Variants in CDH13 observed in about 807,000 individuals in gnomAD.
The protein encoded by CDH13 is cadherin 13, also known as cadherin-13.
A neutral mutation model predicts 63.8 loss-of-function variants in CDH13; 24 were observed. The ratio of observed to expected loss-of-function variants is 0.38; its 90% CI spans 0.27 to 0.53. The LOEUF (loss-of-function observed/expected upper bound fraction) is 0.53. Among genes scored for constraint, CDH13 ranks in the 20% least tolerant of loss-of-function variants. The pLI, the probability that CDH13 is intolerant of heterozygous loss-of-function variation, is 0.85. For missense variants in CDH13, 1,049 were observed against 903.1 expected (o/e 1.16, Z -2.07); for synonymous variants, 503 against 355.3 (o/e 1.42, Z -4.67).
intron 6 of CDH13, among the ~76,000 whole-genome samples, chr16:83,350,596 C>T (rs998986828): frequency 2.6e-5 from 4 of 152,130 alleles, no homozygotes; most frequent in African/African-American, 9.7e-5. Context: ...AGCATCTACT[C>T]TGTGCTGGCG....
At chr16:82,789,182 C>T (rs918348272) in intron 1 of CDH13, among the ~76,000 whole-genome samples, 2 of 152,192 alleles carry the variant, frequency 1.3e-5, no homozygotes, top group Admixed American at 6.5e-5. Flanking sequence ...GGTTGAAGGG[C>T]CATTCTTGGT....
intron 2 of CDH13, among the ~76,000 whole-genome samples, chr16:82,919,759 G>A (rs28661446): frequency 0.37 from 55,579 of 151,998 alleles, 11,094 homozygotes; most frequent in Non-Finnish European, 0.46. Context: ...TTCTGAACAG[G>A]TCCATCTGTT....
intron 2 of CDH13, among the ~76,000 whole-genome samples, chr16:83,022,820 A>G (rs1567753372): frequency 6.6e-6 from 1 of 152,342 alleles, no homozygotes; most frequent in South Asian, 2.1e-4. Flanking sequence ...ATTTACCCAT[A>G]TAAGATGTGA....
intron 1 of CDH13, among the ~76,000 whole-genome samples, chr16:82,702,856 C>T (rs890414835): frequency 1.3e-5 from 2 of 152,132 alleles, no homozygotes. Context: ...TGAGCTTCAC[C>T]TTTGTCTCTA....
At chr16:83,730,239 C>G (rs1280943049) in intron 10 of CDH13, among the ~76,000 whole-genome samples, 1 of 152,154 alleles carries the variant, frequency 6.6e-6, no homozygotes, top group Non-Finnish European at 1.5e-5. Flanking sequence ...ATGCATTATT[C>G]TAAGGCCCTC....
intron 5 of CDH13, among the ~76,000 whole-genome samples, chr16:83,266,586 C>G (rs116722931): frequency 1.7e-3 from 266 of 152,330 alleles, no homozygotes; most frequent in African/African-American, 6.1e-3. Flanking sequence ...ATCATCTCCC[C>G]TCTTCACACT....
At chr16:83,372,819 G>A (rs528379746) in intron 6 of CDH13, among the ~76,000 whole-genome samples, 1 of 151,306 alleles carries the variant, frequency 6.6e-6, no homozygotes, top group Admixed American at 6.6e-5. Flanking sequence ...TCTGCTTTCT[G>A]TGGGGAAACT....
intron 3 of CDH13, among the ~76,000 whole-genome samples, chr16:83,037,789 T>G (rs1364226311): frequency 6.6e-6 from 1 of 152,232 alleles, no homozygotes; most frequent in African/African-American, 2.4e-5. Flanking sequence ...TGCCACTTAC[T>G]CATTGTGTGA....
At chr16:83,001,975 A>G (rs957800400) in intron 2 of CDH13, among the ~76,000 whole-genome samples, 3 of 152,214 alleles carry the variant, frequency 2.0e-5, no homozygotes, top group African/African-American at 7.2e-5. Context: ...AAAAGTTCCA[A>G]CCACATTCCA....
chr16:83,699,739 C>T (rs1407214407), intron 10 of CDH13, among the ~76,000 whole-genome samples: 1 of 152,198 alleles, frequency 6.6e-6, no homozygotes, highest in Non-Finnish European at 1.5e-5. Context: ...AGGGCAGTTA[C>T]ATCACATCAC....
intron 8 of CDH13, among the ~76,000 whole-genome samples, chr16:83,625,228 ATGTG>A (rs148899149): frequency 6.8e-6 from 1 of 146,146 alleles, no homozygotes; most frequent in Admixed American, 6.8e-5. Flanking sequence ...ACGTGTGTCT[ATGTG>A]TGTGTGTGTG....
chr16:82,766,885 A>T (rs1045097962), intron 1 of CDH13, among the ~76,000 whole-genome samples: 1 of 152,128 alleles, frequency 6.6e-6, no homozygotes, highest in African/African-American at 2.4e-5. Flanking sequence ...ATAATGTTTC[A>T]TTATAAAATT....
intron 5 of CDH13, among the ~76,000 whole-genome samples, chr16:83,291,585 G>A (rs1025827403): frequency 2.0e-5 from 3 of 151,968 alleles, no homozygotes; most frequent in Non-Finnish European, 4.4e-5. Flanking sequence ...ATCCAAGATA[G>A]AATTTTAGTA....
intron 1 of CDH13, among the ~76,000 whole-genome samples, chr16:82,697,768 TGTGTGTGTGTGTGTGTGTG>T (rs943256003): frequency 6.8e-5 from 10 of 146,680 alleles, no homozygotes; most frequent in African/African-American, 1.1e-4. Context: ...TGTGTGTGTG[TGTGTGTGTGTGTGTGTGTG>T]TAAGTTTTTT....
In CDH13 at chr16:83,780,217, G is replaced by A. The variant is rs1470445519; in HGVS notation, c.1915+16G>A. The stretch of plus-strand genomic sequence containing the variant: ...AAGATCAACAGTAAGTCTGGCTAAA[G>A]CATTTCTGCCTATTCTTCCAGCTTT... On this transcript the variant is annotated intron_variant, in intron 12 of 13. Transcript: ENST00000567109. 2.7e-6 allele frequency: 4 copies of A among 1,496,118 alleles called. No homozygotes were observed. The highest frequency in any genetic ancestry group is 1.4e-5 in the African/African-American group (1 of 72,484). 92.7% of individuals were successfully genotyped at this position (1,496,118 alleles called of 1,614,324 possible).
At chr16:82,831,993 C>G (rs537310080) in intron 1 of CDH13, among the ~76,000 whole-genome samples, 3 of 152,160 alleles carry the variant, frequency 2.0e-5, no homozygotes, top group African/African-American at 7.2e-5. Context: ...AAGAGCAACG[C>G]TTGGAAGCCA....
intron 1 of CDH13, among the ~76,000 whole-genome samples, chr16:82,656,821 G>A (rs1911349485): frequency 1.3e-5 from 2 of 151,774 alleles, no homozygotes; most frequent in Admixed American, 6.6e-5. Flanking sequence ...ATGTCATATG[G>A]TTGGAATAAT....
At position 82,910,117 on chromosome 16, in the gene CDH13, G is replaced by A. The variant is rs541347312; in HGVS notation, c.157+51644G>A. On this transcript the variant is annotated intron_variant, in intron 2 of 13. Transcript: ENST00000567109. The stretch of plus-strand genomic sequence containing the variant: ...CTCTTTACGCATCCCATCAAATGCC[G>A]ATGTCTGAGTCATCTGTGTCCCTGG... Among the ~76,000 whole-genome samples the A allele has an allele frequency of 7.9e-5, 12 of 152,272 alleles. No individual in the cohort carries two copies. In the East Asian group the frequency reaches 2.1e-3, roughly 27 times the overall value.
intron 1 of CDH13, among the ~76,000 whole-genome samples, chr16:82,743,155 T>A (rs566551301): frequency 1.2e-4 from 19 of 152,304 alleles, no homozygotes; most frequent in Non-Finnish European, 2.2e-4. Flanking sequence ...AGAACAATAC[T>A]TTTGTCTTTA....
Sources: allele counts gnomAD v4.1 joint callset (sites outside exome capture counted in the v4.1 genomes callset), GRCh38; gene constraint gnomAD v4.1.1; transcripts MANE v1.5; gene names NCBI Gene and HGNC (gene_info 2026-07-23, HGNC 2026-07-21).